The following SLC35B4 variants were observed in gnomAD, a reference collection of about 807,000 sequenced individuals.
SLC35B4 encodes the protein nucleotide sugar transporter SLC35B4.
A neutral mutation model predicts 39.5 loss-of-function variants in SLC35B4; 28 were observed. That is an observed-to-expected ratio of 0.71 (90% CI 0.53 to 0.97). The LOEUF (loss-of-function observed/expected upper bound fraction) is 0.97. Ranked by LOEUF, SLC35B4 falls within the 50% of genes least tolerant of loss-of-function variation. The pLI is 0.00. For synonymous variants in SLC35B4, 145 were observed against 150.4 expected (o/e 0.96, Z 0.26); for missense variants, 334 against 414.3 (o/e 0.81, Z 1.68).
At chr7:134,300,967 A>C (rs2117290462) in intron 6 of SLC35B4, among the ~76,000 whole-genome samples, 1 of 152,306 alleles carries the variant, frequency 6.6e-6, no homozygotes, top group East Asian at 1.9e-4. Context: ...GTGAGGCTGA[A>C]CCTAAAATTG....
upstream of SLC35B4, among the ~76,000 whole-genome samples, chr7:134,317,530 T>A (rs1804015268): frequency 6.6e-6 from 1 of 152,216 alleles, no homozygotes; most frequent in Admixed American, 6.5e-5. Context: ...CCTAGCTCTT[T>A]AAGGTACTCC....
chr7:134,298,670 A>C (rs941256908), intron 8 of SLC35B4, among the ~76,000 whole-genome samples: 1 of 152,218 alleles, frequency 6.6e-6, no homozygotes, highest in Admixed American at 6.5e-5. Flanking sequence ...ACTCTTACAC[A>C]CTACCTTCAC....
chr7:134,318,116 C>G (rs1337022987), upstream of SLC35B4, among the ~76,000 whole-genome samples: 1 of 152,178 alleles, frequency 6.6e-6, no homozygotes, highest in Admixed American at 6.5e-5. Context: ...TTTCCCAGTC[C>G]GTGACTGGGA....
chr7:134,299,020 A>G (rs964556510), intron 8 of SLC35B4, among the ~76,000 whole-genome samples: 7 of 152,224 alleles, frequency 4.6e-5, no homozygotes, highest in South Asian at 2.1e-4. Flanking sequence ...GCTTGAAACT[A>G]ATTTTGCTTA....
chr7:134,293,069 T>C lies in SLC35B4; in HGVS notation c.*1764A>G, dbSNP rs1388429716. ...ACAGTGGAATAAACATACCACACCA[T>C]GGAATGAGCCCAGGAGACCTGCAGA... On this transcript the variant is annotated 3_prime_UTR_variant, in exon 10 of 10. Transcript: ENST00000378509. 1 of 152,116 alleles carries C rather than the reference T, an allele frequency of 6.6e-6. No homozygotes were observed. The highest frequency in any genetic ancestry group is 2.4e-5 in the African/African-American group (1 of 41,388). The allele number at this position is 152,116 out of a possible 1,614,324, so 9.4% of individuals were successfully genotyped here.
At chr7:134,314,917 T>G (rs1464357001) in intron 1 of SLC35B4, among the ~76,000 whole-genome samples, 1 of 152,182 alleles carries the variant, frequency 6.6e-6, no homozygotes, top group Non-Finnish European at 1.5e-5. Flanking sequence ...ATACAATTTT[T>G]TTTTCATTTT....
Position 134,292,507 on chromosome 7 carries a change from A to G in SLC35B4, c.*2326T>C, listed in dbSNP as rs1803354754. The G allele has an allele frequency of 6.6e-6, 1 of 152,086 alleles. No homozygotes were observed. The highest frequency in any genetic ancestry group is 2.1e-4 in the South Asian group (1 of 4,818). 9.4% of individuals were successfully genotyped at this position (152,086 alleles called of 1,614,324 possible). ...GCTCTAAGACCAGACGCGAAAACCT[A>G]ATGGGCCCAAGTACTGTCTGTGAAC... is the stretch of plus-strand genomic sequence containing the variant. On this transcript the variant is annotated 3_prime_UTR_variant, in exon 10 of 10. Transcript: ENST00000378509.
intron 2 of SLC35B4, 77 bp from the exon 3 acceptor site, chr7:134,306,851 T>C: frequency 1.5e-6 from 2 of 1,316,414 alleles, no homozygotes; most frequent in Non-Finnish European, 1.1e-6. Flanking sequence ...TATATATTTT[T>C]GGCTAAAAAG....
At chr7:134,307,439 G>T (rs1384366210) in intron 2 of SLC35B4, among the ~76,000 whole-genome samples, 2 of 151,856 alleles carry the variant, frequency 1.3e-5, no homozygotes, top group African/African-American at 2.4e-5. Flanking sequence ...ACATTTGTAT[G>T]TCATCACTGT....
chr7:134,314,268 C>T (rs1803918244), intron 1 of SLC35B4, among the ~76,000 whole-genome samples: 1 of 152,124 alleles, frequency 6.6e-6, no homozygotes, highest in Admixed American at 6.5e-5. Context: ...GCTTCACATG[C>T]GCATCTCACT....
intron 8 of SLC35B4, among the ~76,000 whole-genome samples, chr7:134,297,663 G>A (rs981182995): frequency 2.0e-5 from 3 of 152,172 alleles, no homozygotes; most frequent in African/African-American, 7.2e-5. Flanking sequence ...AACAGACATG[G>A]TCTAGAAGAA....
chr7:134,302,924 T>C (rs1044464189), intron 4 of SLC35B4, among the ~76,000 whole-genome samples: 1 of 151,858 alleles, frequency 6.6e-6, no homozygotes, highest in Non-Finnish European at 1.5e-5. Flanking sequence ...TAGAGAGCGG[T>C]TGGGGAGGAA....
intron 6 of SLC35B4, among the ~76,000 whole-genome samples, chr7:134,301,376 G>A (rs1308133718): frequency 6.6e-6 from 1 of 152,178 alleles, no homozygotes; most frequent in Non-Finnish European, 1.5e-5. Flanking sequence ...TAAGTCTTTA[G>A]AAATGAGTCC....
chr7:134,301,842 C>G, intron 5 of SLC35B4, 21 bp from the exon 6 acceptor site: 1 of 1,611,828 alleles, frequency 6.2e-7, no homozygotes, highest in African/African-American at 1.3e-5. Context: ...AGAAAATAAA[C>G]TAGGTACAGA....
intron 9 of SLC35B4, 42 bp from the exon 10 acceptor site, chr7:134,295,121 TGGG>T (rs754684421): frequency 6.2e-7 from 1 of 1,600,372 alleles, no homozygotes; most frequent in Non-Finnish European, 8.5e-7. Context: ...AGACTGTACT[TGGG>T]GGATCAGTGA....
intron 3 of SLC35B4, 40 bp downstream of exon 3, chr7:134,306,632 T>C: frequency 6.5e-7 from 1 of 1,539,692 alleles, no homozygotes. Context: ...TTAACTATAC[T>C]TTTCAGAGGA....
upstream of SLC35B4, among the ~76,000 whole-genome samples, chr7:134,320,122 CAAAT>C (rs1176514355): frequency 1.3e-5 from 2 of 152,124 alleles, no homozygotes; most frequent in African/African-American, 2.4e-5. Context: ...GCAAAACAAA[CAAAT>C]AAAAAAACCC....
rs143165917 is a variant in SLC35B4, at chr7:134,309,121, AACAC to A, written c.191+241_191+244del. ...TCTGACTAATCCTATACTAAATAAGAACACACACACATACACACTCTTGTCTCCA... is the reference window on the plus strand; with the variant it reads ...TCTGACTAATCCTATACTAAATAAGAACACACATACACACTCTTGTCTCCA... On this transcript the variant is annotated intron_variant, in intron 2 of 9. Coordinates refer to ENST00000378509, the MANE Select transcript of SLC35B4 (RefSeq NM_032826.5). Among the ~76,000 whole-genome samples the A allele has an allele frequency of 1.8e-3, 275 of 152,276 alleles. 4 individuals are homozygous for A. In the East Asian group the frequency reaches 0.038, roughly 21 times the overall value.
chr7:134,311,458 C>T (rs1803840291), intron 1 of SLC35B4, among the ~76,000 whole-genome samples: 1 of 152,158 alleles, frequency 6.6e-6, no homozygotes, highest in African/African-American at 2.4e-5. Context: ...GAGTTCGAGA[C>T]CAGCTTGGCC....
Sources: allele counts gnomAD v4.1 joint callset (sites outside exome capture counted in the v4.1 genomes callset), GRCh38; gene constraint gnomAD v4.1.1; transcripts MANE v1.5; gene names NCBI Gene and HGNC (gene_info 2026-07-23, HGNC 2026-07-21).